GSDME: variants seen among roughly 807,000 people sequenced by gnomAD.
GSDME encodes gasdermin E.
Under a neutral mutation model 47.5 loss-of-function variants are expected in GSDME, and 44 were observed. The ratio of observed to expected loss-of-function variants is 0.93; its 90% confidence interval spans 0.73 to 1.19. The LOEUF is 1.19. GSDME is among the 50% of genes most tolerant of loss of function. The pLI is 0.00. For missense variants in GSDME, 663 were observed against 604.2 expected, an observed-to-expected ratio of 1.10 and a Z score of -1.02; for synonymous variants, 258 against 252.8, an observed-to-expected ratio of 1.02 and a Z score of -0.20.
In GSDME at chr7:24,719,049, G is replaced by T; in HGVS notation, c.574C>A (p.Gln192Lys). The T allele has an allele frequency of 1.9e-6, 3 of 1,612,330 alleles. No individual in the cohort carries two copies. The highest frequency in any genetic ancestry group is 2.5e-6 in the Non-Finnish European group (3 of 1,179,990). ...GIVGIQTKTV[Q>K]VSATEDGNVT... ...CAGGGCAGCCCGACTGCACGCACCTGCACCGTCTTGGTCTGGATGCCCACG... is the reference window on the plus strand; with the variant it reads ...CAGGGCAGCCCGACTGCACGCACCTTCACCGTCTTGGTCTGGATGCCCACG... The change falls in exon 4 of 10, where the codon CAG becomes AAG. Residue 192 changes from glutamine to lysine, a missense_variant and splice_region_variant. Gln to Lys is a moderately conservative substitution (Grantham distance 53). Transcript: ENST00000645220.
At chr7:24,770,040 T>C in the GSDME span, among the ~76,000 whole-genome samples, 19 of 152,312 alleles carry the variant, frequency 1.2e-4, no homozygotes, top group East Asian at 3.7e-3. The surrounding 1 kb of genome is among the most constrained non-coding windows in gnomAD (Gnocchi z 4.6). Flanking sequence ...TGAGGGTCCA[T>C]AGATGACTTC....
chr7:24,731,275 AG>A (rs1315385260), intron 3 of GSDME, among the ~76,000 whole-genome samples: 1 of 152,224 alleles, frequency 6.6e-6, no homozygotes, highest in Non-Finnish European at 1.5e-5. Context: ...ACATGTACAA[AG>A]AACAGCCTGT....
upstream of GSDME, among the ~76,000 whole-genome samples, chr7:24,760,692 T>C (rs1791153504): frequency 6.6e-6 from 1 of 152,192 alleles, no homozygotes; most frequent in African/African-American, 2.4e-5. This position sits in a 1 kb window ranked among gnomAD's most constrained non-coding sequence, Gnocchi z 4.2. Flanking sequence ...CTAACATAAA[T>C]TAAAATAAAA....
the GSDME span, among the ~76,000 whole-genome samples, chr7:24,766,753 A>G: frequency 1.1e-4 from 16 of 152,194 alleles, no homozygotes; most frequent in Non-Finnish European, 2.9e-5. The surrounding 1 kb of genome is among the most constrained non-coding windows in gnomAD (Gnocchi z 4.2). Flanking sequence ...GAACAGTGCC[A>G]CAGTAAACAT....
At position 24,735,017 on chromosome 7, in the gene GSDME, A is replaced by T. The variant is rs534907678; in HGVS notation, c.404+9545T>A. ...AGGCATTTAATAAGCAAATTCCCAA[A>T]AATCAAGGATAAAGAAAGGATCCTA... On this transcript the variant is annotated intron_variant, in intron 3 of 9. Transcript: ENST00000645220. This position sits in a 1 kb window ranked among gnomAD's most constrained non-coding sequence, Gnocchi z 4.4. Among the ~76,000 whole-genome samples, 6 of 152,314 alleles carry T rather than the reference A, an allele frequency of 3.9e-5. No homozygotes were observed. In the South Asian group the frequency reaches 1.2e-3, roughly 32 times the overall value.
the GSDME span, among the ~76,000 whole-genome samples, chr7:24,774,780 C>T: frequency 1.3e-5 from 2 of 152,152 alleles, no homozygotes; most frequent in African/African-American, 2.4e-5. Flanking sequence ...ATTCGCCCAA[C>T]TCGGCCTCCC....
intron 1 of GSDME, among the ~76,000 whole-genome samples, chr7:24,750,828 A>G (rs1584109389): frequency 6.6e-6 from 1 of 152,334 alleles, no homozygotes; most frequent in East Asian, 1.9e-4. Flanking sequence ...AAAAGAAGAG[A>G]TACATTGGAA....
In GSDME at chr7:24,745,186, T is replaced by C. The variant is rs774404439; in HGVS notation, c.212-432A>G. On this transcript the variant is annotated intron_variant, in intron 2 of 9. Coordinates refer to ENST00000645220, the MANE Select transcript of GSDME (RefSeq NM_001127453.2). The surrounding 1 kb of genome is among the most constrained non-coding windows in gnomAD (Gnocchi z 4.4). ...TTTAACCACTATCCAGGTGGATCAA[T>C]AGACCATTTTAAATGTGTACTTTTC... Among the ~76,000 whole-genome samples the C allele has an allele frequency of 9.9e-5, 15 of 152,150 alleles. No homozygotes were observed. Among genetic ancestry groups the C allele is most frequent in the South Asian group, 2.1e-4 (1 of 4,830 alleles).
At chr7:24,778,475 T>C in the GSDME span, among the ~76,000 whole-genome samples, 1 of 152,222 alleles carries the variant, frequency 6.6e-6, no homozygotes, top group Non-Finnish European at 1.5e-5. The surrounding 1 kb of genome is among the most constrained non-coding windows in gnomAD (Gnocchi z 5.6). Context: ...TTTGTTTTGT[T>C]GCACCCTTGT....
chr7:24,723,768 C>A (rs1789875075), intron 3 of GSDME, among the ~76,000 whole-genome samples: 1 of 152,218 alleles, frequency 6.6e-6, no homozygotes, highest in Non-Finnish European at 1.5e-5. Context: ...GGAATTGAAT[C>A]TTCATCTCTA....
the GSDME span, among the ~76,000 whole-genome samples, chr7:24,768,376 C>T: frequency 2.6e-5 from 4 of 151,826 alleles, no homozygotes; most frequent in East Asian, 7.7e-4. This position sits in a 1 kb window ranked among gnomAD's most constrained non-coding sequence, Gnocchi z 5.6. Flanking sequence ...TAAGGTGTAG[C>T]GGAGGGAAGG....
rs1464397993 is a variant in GSDME at position 24,726,705 on chromosome 7, G to A, written c.405-7487C>T. Reference sequence around the variant, plus strand: ...CGGCATAGTCCTGGCTACTCGGGAGGCTGAGGCAGAAGAATGGCGTTAACC... The same window carrying A: ...CGGCATAGTCCTGGCTACTCGGGAGACTGAGGCAGAAGAATGGCGTTAACC... On this transcript the variant is annotated intron_variant, in intron 3 of 9. Transcript: ENST00000645220. This position sits in a 1 kb window ranked among gnomAD's most constrained non-coding sequence, Gnocchi z 5.6. Among the ~76,000 whole-genome samples the A allele has an allele frequency of 1.3e-5, 2 of 151,978 alleles. No individual in the cohort carries two copies. Among genetic ancestry groups the A allele is most frequent in the African/African-American group, 4.8e-5 (2 of 41,348 alleles).
chr7:24,716,224 G>A lies in GSDME; in HGVS notation c.697+1030C>T, dbSNP rs185193366. ...CTGCACAGGAATAGAGAGGAGGAGCGTGAACCAGCGTGTGCCCATCAGCCA... is the reference window on the plus strand; with the variant it reads ...CTGCACAGGAATAGAGAGGAGGAGCATGAACCAGCGTGTGCCCATCAGCCA... On this transcript the variant is annotated intron_variant, in intron 5 of 9. Coordinates refer to ENST00000645220, the MANE Select transcript of GSDME (RefSeq NM_001127453.2). The surrounding 1 kb of genome is among the most constrained non-coding windows in gnomAD (Gnocchi z 4.5). Among the ~76,000 whole-genome samples the A allele has an allele frequency of 1.9e-3, 292 of 152,298 alleles. No individual in the cohort carries two copies. The highest frequency in any genetic ancestry group is 6.5e-3 in the African/African-American group (271 of 41,550).
At chr7:24,727,525 C>G (rs149535412) in intron 3 of GSDME, among the ~76,000 whole-genome samples, 1 of 152,176 alleles carries the variant, frequency 6.6e-6, no homozygotes, top group Admixed American at 6.5e-5. Context: ...TTTAGTAAAT[C>G]CAGAACTTCT....
the GSDME span, among the ~76,000 whole-genome samples, chr7:24,787,957 G>A: frequency 1.3e-5 from 2 of 152,054 alleles, no homozygotes; most frequent in Admixed American, 6.6e-5. This position sits in a 1 kb window ranked among gnomAD's most constrained non-coding sequence, Gnocchi z 5.0. Context: ...TGCCCACCTC[G>A]GCCTCCCAAA....
Position 24,717,319 on chromosome 7 carries a change from A to G in GSDME, c.632T>C (p.Ile211Thr), listed in dbSNP as rs1447128319. The G allele has an allele frequency of 6.2e-7, 1 of 1,613,848 alleles. No homozygotes were observed. Among genetic ancestry groups the G allele is most frequent in the Admixed American group, 1.7e-5 (1 of 59,964 alleles). Residue 211 changes from isoleucine to threonine, a missense_variant, in exon 5 of 10, where the codon ATC becomes ACC. Transcript: ENST00000645220. ...GTAGGCAATGGTGGTGGCAGCTGGG[A>G]TCTCCAGCACCACGTTGGAGTCCTT... ...VTKDSNVVLE[I>T]PAATTIAYGV...
In GSDME at chr7:24,735,189, T is replaced by C. The variant is rs1790265721; in HGVS notation, c.404+9373A>G. Among the ~76,000 whole-genome samples, 1 of 152,158 alleles carries C rather than the reference T, an allele frequency of 6.6e-6. No individual in the cohort carries two copies. The highest frequency in any genetic ancestry group is 1.5e-5 in the Non-Finnish European group (1 of 68,036). ...AAAACGTTTACACTAGAATAGTATA[T>C]TCAGCAAAACTATCCTTCAAACATG... is the stretch of plus-strand genomic sequence containing the variant. On this transcript the variant is annotated intron_variant, in intron 3 of 9. Transcript: ENST00000645220. This position sits in a 1 kb window ranked among gnomAD's most constrained non-coding sequence, Gnocchi z 4.4.
chr7:24,727,783 C>A lies in GSDME; in HGVS notation c.405-8565G>T, dbSNP rs922316135. ...CCCCTAAAATCCTGGAACACACACACCATTGCCTCCTTCATCTGCCGATTT... is the reference window on the plus strand; with the variant it reads ...CCCCTAAAATCCTGGAACACACACAACATTGCCTCCTTCATCTGCCGATTT... On this transcript the variant is annotated intron_variant, in intron 3 of 9. Coordinates refer to ENST00000645220, the MANE Select transcript of GSDME (RefSeq NM_001127453.2). Among the ~76,000 whole-genome samples the A allele has an allele frequency of 5.9e-5, 9 of 152,342 alleles. No homozygotes were observed. In the East Asian group the frequency reaches 1.7e-3, roughly 29 times the overall value.
intron 3 of GSDME, among the ~76,000 whole-genome samples, chr7:24,720,143 AGCAGAGATTTGGG>A (rs1789722268): frequency 6.6e-6 from 1 of 152,246 alleles, no homozygotes; most frequent in African/African-American, 2.4e-5. Context: ...AGAGTCACTC[AGCAGAGATTTGGG>A]GCTCCCACCC....
Sources: gnomAD v4.1 joint callset for allele counts (sites outside exome capture counted in the v4.1 genomes callset) on GRCh38, gnomAD v4.1.1 for gene constraint, Gnocchi (gnomAD v3.1) non-coding constraint, MANE v1.5 for transcripts, NCBI Gene and HGNC (gene_info 2026-07-23, HGNC 2026-07-21) for gene names.